The following EPHA6 variants were observed in gnomAD, a reference collection of about 807,000 sequenced individuals.
The protein encoded by EPHA6 is EPH receptor A6.
In EPHA6, 50 loss-of-function variants were observed where a neutral mutation model predicts 112.0. That is an observed-to-expected ratio of 0.45 (90% confidence interval 0.36 to 0.56). The LOEUF is 0.56. EPHA6 is among the 20% of genes least tolerant of loss of function. The pLI is 0.00. For missense variants in EPHA6, 1,280 were observed against 1,417.4 expected, an observed-to-expected ratio of 0.90 and a Z score of 1.56; for synonymous variants, 529 against 490.7, an observed-to-expected ratio of 1.08 and a Z score of -1.03.
intron 3 of EPHA6, among the ~76,000 whole-genome samples, chr3:97,202,717 G>A (rs1576674109): frequency 6.6e-6 from 1 of 152,092 alleles, no homozygotes; most frequent in Admixed American, 6.6e-5. Context: ...TTGACTATAG[G>A]AGTCATACCC....
intron 6 of EPHA6, among the ~76,000 whole-genome samples, chr3:97,441,004 A>G (rs2090108780): frequency 6.6e-6 from 1 of 152,046 alleles, no homozygotes; most frequent in Non-Finnish European, 1.5e-5. Flanking sequence ...ATGATAGTCA[A>G]GTGTGTACTA....
intron 2 of EPHA6, among the ~76,000 whole-genome samples, chr3:96,908,416 A>G (rs2039046780): frequency 2.0e-5 from 3 of 152,012 alleles, no homozygotes. Context: ...CTCACCAGTG[A>G]TAGAATATGA....
At chr3:96,853,074 C>T (rs918193120) in intron 1 of EPHA6, among the ~76,000 whole-genome samples, 8 of 152,242 alleles carry the variant, frequency 5.3e-5, no homozygotes, top group Non-Finnish European at 7.4e-5. Context: ...CAGTAATGTG[C>T]AGTCTTGGCC....
intron 4 of EPHA6, among the ~76,000 whole-genome samples, chr3:97,227,252 C>T (rs1188905903): frequency 3.4e-5 from 5 of 148,914 alleles, no homozygotes; most frequent in Non-Finnish European, 7.4e-5. Context: ...CAGAGTTTTG[C>T]TCTTGTAGTC....
chr3:96,978,828 A>G (rs986160176), intron 2 of EPHA6, among the ~76,000 whole-genome samples: 13 of 152,174 alleles, frequency 8.5e-5, no homozygotes, highest in African/African-American at 2.2e-4. Context: ...TAGAGAATAC[A>G]TATATTTTTT....
chr3:97,360,324 A>G (rs1228376597), intron 5 of EPHA6, among the ~76,000 whole-genome samples: 1 of 152,062 alleles, frequency 6.6e-6, no homozygotes, highest in East Asian at 1.9e-4. Flanking sequence ...CATCAGACAG[A>G]CTCTGCCAGT....
intron 3 of EPHA6, among the ~76,000 whole-genome samples, chr3:96,990,876 G>GA (rs1354652289): frequency 6.6e-6 from 1 of 151,946 alleles, no homozygotes; most frequent in African/African-American, 2.4e-5. Flanking sequence ...AAACTTATAT[G>GA]AAAAAACTGT....
intron 11 of EPHA6, among the ~76,000 whole-genome samples, chr3:97,573,561 G>GA (rs1316486400): frequency 2.0e-5 from 3 of 151,806 alleles, no homozygotes; most frequent in Non-Finnish European, 4.4e-5. Context: ...TAACCAGTAT[G>GA]ATGAGATTTT....
intron 14 of EPHA6, among the ~76,000 whole-genome samples, chr3:97,651,938 A>G (rs988352911): frequency 6.6e-6 from 1 of 151,992 alleles, no homozygotes; most frequent in African/African-American, 2.4e-5. Flanking sequence ...AGTTTGGTGT[A>G]TAAATGATCC....
In EPHA6 at chr3:97,640,506, C is replaced by A. The variant is rs2107568123; in HGVS notation, c.2784+2424C>A. Among the ~76,000 whole-genome samples, 3 of 152,168 alleles carry A rather than the reference C, an allele frequency of 2.0e-5. 1 individual carries two copies. The highest frequency in any genetic ancestry group is 2.0e-4 in the Admixed American group (3 of 15,290). On this transcript the variant is annotated intron_variant, in intron 14 of 17. Transcript: ENST00000389672. ...TGGGGCCGGGCACGGTGGCTCGCGC[C>A]TGTTATCCCATCCCAGCACTTTGGG...
chr3:97,510,844 C>T lies in EPHA6; in HGVS notation c.2201-21514C>T, dbSNP rs185314703. 1.8e-4 allele frequency among the ~76,000 whole-genome samples: 28 copies of T among 152,344 alleles called. No homozygotes were observed. In the East Asian group the frequency reaches 5.2e-3, roughly 28 times the overall value. ...GGAGATAGGGACTTTTATCTATAAG[C>T]CCCTGACTGGGACTGCTTCCTTTCT... On this transcript the variant is annotated intron_variant, in intron 10 of 17. Transcript: ENST00000389672.
intron 5 of EPHA6, among the ~76,000 whole-genome samples, chr3:97,386,702 G>A (rs140174992): frequency 6.6e-6 from 1 of 152,192 alleles, no homozygotes; most frequent in Admixed American, 6.5e-5. Context: ...ACTTCTCACA[G>A]CTCCACTATA....
intron 3 of EPHA6, among the ~76,000 whole-genome samples, chr3:97,007,796 T>C (rs1559663926): frequency 6.6e-6 from 1 of 152,230 alleles, no homozygotes; most frequent in Non-Finnish European, 1.5e-5. Context: ...AGGGCAGACC[T>C]GGTGGTAATG....
chr3:96,927,416 A>G (rs924943442), intron 2 of EPHA6, among the ~76,000 whole-genome samples: 1 of 152,236 alleles, frequency 6.6e-6, no homozygotes, highest in Non-Finnish European at 1.5e-5. Flanking sequence ...ATTTCTGCAG[A>G]AAATGGGTTT....
chr3:96,958,547 C>T (rs940691159), intron 2 of EPHA6, among the ~76,000 whole-genome samples: 2 of 152,084 alleles, frequency 1.3e-5, no homozygotes, highest in African/African-American at 4.8e-5. Context: ...TTTTCATTTA[C>T]TTGCACTGGT....
At chr3:97,135,925 G>A (rs2075757824) in intron 3 of EPHA6, among the ~76,000 whole-genome samples, 1 of 152,000 alleles carries the variant, frequency 6.6e-6, no homozygotes, top group South Asian at 2.1e-4. Context: ...TGAGTGGTAA[G>A]AATAAAATGG....
chr3:97,481,043 G>T, intron 9 of EPHA6: 1 of 406,448 alleles, frequency 2.5e-6, no homozygotes, highest in Non-Finnish European at 4.7e-6. Flanking sequence ...GGGCGGCCAG[G>T]CAGAGAGGCT....
chr3:97,061,563 A>G (rs1471636355), intron 3 of EPHA6, among the ~76,000 whole-genome samples: 2 of 152,204 alleles, frequency 1.3e-5, no homozygotes, highest in Admixed American at 6.5e-5. Context: ...TTAAAATGTA[A>G]ATAACACTAC....
intron 2 of EPHA6, among the ~76,000 whole-genome samples, chr3:96,914,092 C>A (rs1028796147): frequency 7.2e-5 from 11 of 152,030 alleles, no homozygotes; most frequent in Non-Finnish European, 1.5e-4. Flanking sequence ...CTCTTGTACT[C>A]CAGAAGCTGC....
Sources: allele counts gnomAD v4.1 joint callset (sites outside exome capture counted in the v4.1 genomes callset), GRCh38; gene constraint gnomAD v4.1.1; transcripts MANE v1.5; gene names NCBI Gene and HGNC (gene_info 2026-07-23, HGNC 2026-07-21).